Variants in PELP1 observed in about 807,000 individuals in gnomAD.
PELP1 encodes proline-, glutamic acid- and leucine-rich protein 1.
A neutral mutation model predicts 95.5 loss-of-function variants in PELP1; 32 were observed. The observed-to-expected ratio is 0.34, with a 90% CI of 0.25 to 0.45. The LOEUF (loss-of-function observed/expected upper bound fraction) is 0.45, where lower values mean the gene tolerates loss of function less well. PELP1 is among the 20% of genes least tolerant of loss of function. PELP1 has a pLI of 1.00. For synonymous variants in PELP1, 668 were observed against 600.1 expected (o/e 1.11, Z -1.65); for missense variants, 1,358 against 1,444.8 (o/e 0.94, Z 0.97).
chr17:4,687,562 T>C (rs376784101), intron 3 of PELP1, among the ~76,000 whole-genome samples: 1 of 151,756 alleles, frequency 6.6e-6, no homozygotes, highest in African/African-American at 2.4e-5. Context: ...TGATGGTCTA[T>C]GGGTGCCTGT....
chr17:4,678,485 A>G (rs1410520121), intron 5 of PELP1, among the ~76,000 whole-genome samples: 2 of 152,182 alleles, frequency 1.3e-5, no homozygotes, highest in Non-Finnish European at 2.9e-5. Context: ...AACGGCTCAA[A>G]AAGCTGGACT....
rs1912183588 is a variant in PELP1 at position 4,671,197 on chromosome 17, A to G, written c.*242T>C. 1 of 555,990 alleles carries G rather than the reference A, an allele frequency of 1.8e-6. No individual in the cohort carries two copies. The highest frequency in any genetic ancestry group is 3.2e-6 in the Non-Finnish European group (1 of 312,132). 34.4% of individuals were successfully genotyped at this position (555,990 alleles called of 1,614,324 possible). ...TTTAGCATCCAGCCAGAATCCTACA[A>G]TTCTGACACCATCGTGCTGAGTGAT... On this transcript the variant is annotated 3_prime_UTR_variant, in exon 17 of 17. Transcript: ENST00000572293.
In PELP1 at chr17:4,672,911, G is replaced by A; in HGVS notation, c.2080C>T (p.Pro694Ser). The A allele has an allele frequency of 6.2e-7, 1 of 1,612,900 alleles. No individual in the cohort carries two copies. The highest frequency in any genetic ancestry group is 1.1e-5 in the South Asian group (1 of 90,754). The stretch of plus-strand genomic sequence containing the variant: ...GGTCCAGGGCGTGCCGAGGGCACAG[G>A]GCCTGCTGAGGGCATGGGGCCTGCT... Reference protein sequence around the residue: ...PSAGPMPSAGPVPSARPGPPT... With the variant: ...PSAGPMPSAGSVPSARPGPPT... The change falls in exon 16 of 17, where the codon CCT becomes TCT. Residue 694 changes from proline to serine, a missense_variant. Coordinates refer to ENST00000572293, the MANE Select transcript of PELP1 (RefSeq NM_014389.3).
At chr17:4,677,362 G>T (rs1276780916) in intron 5 of PELP1, among the ~76,000 whole-genome samples, 3 of 152,102 alleles carry the variant, frequency 2.0e-5, no homozygotes, top group Non-Finnish European at 2.9e-5. Flanking sequence ...CCACAATTTA[G>T]TTGGATATAC....
intron 4 of PELP1, 56 bp downstream of exon 4, chr17:4,682,747 G>A: frequency 6.6e-7 from 1 of 1,505,874 alleles, no homozygotes; most frequent in Non-Finnish European, 9.0e-7. Flanking sequence ...ATTAAACAGT[G>A]TGTGAAGGTG....
intron 1 of PELP1, among the ~76,000 whole-genome samples, chr17:4,698,151 C>T (rs1162967357): frequency 6.6e-6 from 1 of 151,914 alleles, no homozygotes; most frequent in Non-Finnish European, 1.5e-5. Flanking sequence ...TGAGCCACTG[C>T]ACCTGGACGA....
chr17:4,680,173 G>C (rs1912637112), intron 5 of PELP1, among the ~76,000 whole-genome samples: 1 of 152,192 alleles, frequency 6.6e-6, no homozygotes, highest in South Asian at 2.1e-4. Context: ...ACACATCTTA[G>C]ACACTCAGGA....
chr17:4,698,186 C>A (rs1048464459), intron 1 of PELP1, among the ~76,000 whole-genome samples: 1 of 151,952 alleles, frequency 6.6e-6, no homozygotes, highest in Non-Finnish European at 1.5e-5. Context: ...TTGCTGAAAA[C>A]GCACAAATCT....
chr17:4,703,672 C>T (rs1246759875), intron 1 of PELP1, among the ~76,000 whole-genome samples, 191 bp downstream of exon 1: 1 of 152,190 alleles, frequency 6.6e-6, no homozygotes, highest in Non-Finnish European at 1.5e-5. Flanking sequence ...CCATTTTTCC[C>T]CTGGAGAAAC....
At chr17:4,694,189 T>C (rs144276000) in intron 1 of PELP1, among the ~76,000 whole-genome samples, 27 of 152,244 alleles carry the variant, frequency 1.8e-4, no homozygotes, top group Non-Finnish European at 3.8e-4. Flanking sequence ...AGTAGATTAC[T>C]GTTTGCCTAA....
chr17:4,694,589 G>A (rs1333372359), intron 1 of PELP1, among the ~76,000 whole-genome samples: 2 of 149,758 alleles, frequency 1.3e-5, no homozygotes, highest in East Asian at 2.0e-4. Flanking sequence ...GAGAACGGGA[G>A]GCGGAGGTCG....
In PELP1 at chr17:4,673,079, G is replaced by A. The variant is rs1211653531; in HGVS notation, c.1912C>T (p.Leu638=). 2 of 1,525,470 alleles carry A rather than the reference G, an allele frequency of 1.3e-6. No homozygotes were observed. Among genetic ancestry groups the A allele is most frequent in the Non-Finnish European group, 1.8e-6 (2 of 1,139,348 alleles). 94.5% of individuals were successfully genotyped at this position (1,525,470 alleles called of 1,614,324 possible). ...GGGCAGGTGGGGCCCATGGGCTGCA[G>A]GGGAGGAACCCGGGGGTGGGTCAGA... ...AALTHPRVPP[L]QPMGPTCPTP... is the part of the protein sequence containing the mutation. Residue 638 remains leucine, a synonymous_variant, in exon 16 of 17, where the codon CTG becomes TTG. Transcript: ENST00000572293. This position sits in a 1 kb window ranked among gnomAD's most constrained non-coding sequence, Gnocchi z 5.7.
intron 1 of PELP1, among the ~76,000 whole-genome samples, chr17:4,695,443 T>C (rs746468374): frequency 2.6e-5 from 4 of 151,772 alleles, no homozygotes; most frequent in Non-Finnish European, 5.9e-5. Context: ...GGCAGGCGAA[T>C]CACTTGAGGC....
chr17:4,694,252 G>C (rs1448561472), intron 1 of PELP1, among the ~76,000 whole-genome samples: 1 of 152,032 alleles, frequency 6.6e-6, no homozygotes, highest in East Asian at 1.9e-4. Flanking sequence ...ACTGTAAGTG[G>C]GTACAGAATT....
Position 4,672,947 on chromosome 17 carries a change from G to A in PELP1, c.2044C>T (p.Pro682Ser), listed in dbSNP as rs1438114624. 1.9e-6 allele frequency: 3 copies of A among 1,605,178 alleles called. No individual in the cohort carries two copies. The highest frequency in any genetic ancestry group is 2.6e-6 in the Non-Finnish European group (3 of 1,175,072). The change falls in exon 16 of 17, where the codon CCC becomes TCC. Residue 682 changes from proline (P) to serine (S), a missense_variant. Physicochemically the swap from Pro to Ser is moderately conservative, Grantham distance 74 (BLOSUM62 -1). Around this residue, in one of 7 missense-constraint regions of PELP1, gnomAD observed 340 missense variants for 322.9 expected, o/e 1.05. Transcript: ENST00000572293. ...GGCATGGGGCCTGCTGAAGGCATGGGGCCTGCTGAGGGCATGGAGCCCACT... is the reference window on the plus strand; with the variant it reads ...GGCATGGGGCCTGCTGAAGGCATGGAGCCTGCTGAGGGCATGGAGCCCACT... ...PSVGSMPSAG[P>S]MPSAGPMPSA... is the part of the protein sequence containing the mutation.
intron 3 of PELP1, among the ~76,000 whole-genome samples, chr17:4,683,531 C>CTTTTCT (rs1555553561): frequency 2.0e-4 from 19 of 96,574 alleles, no homozygotes; most frequent in Admixed American, 4.4e-4. Context: ...GTTTTCTTTT[C>CTTTTCT]TTTTTTTTTT....
intron 5 of PELP1, among the ~76,000 whole-genome samples, chr17:4,679,095 C>G (rs1048687209): frequency 1.3e-5 from 2 of 151,858 alleles, no homozygotes; most frequent in African/African-American, 4.8e-5. Context: ...GCCACGATCT[C>G]AGCTCACTGC....
chr17:4,703,363 T>C (rs894440261), intron 1 of PELP1, among the ~76,000 whole-genome samples: 3 of 152,330 alleles, frequency 2.0e-5, no homozygotes, highest in Admixed American at 2.0e-4. Flanking sequence ...GAAAAATCTC[T>C]GCCAGTCTTC....
intron 3 of PELP1, among the ~76,000 whole-genome samples, chr17:4,689,898 C>T (rs1001546962): frequency 6.6e-6 from 1 of 152,122 alleles, no homozygotes; most frequent in Non-Finnish European, 1.5e-5. Context: ...TGGTGGCGCA[C>T]GCTTGTAATC....
Sources: gnomAD v4.1 joint callset for allele counts (sites outside exome capture counted in the v4.1 genomes callset) on GRCh38, gnomAD v4.1.1 for gene constraint, gnomAD v4.1.1 regional missense constraint, Gnocchi (gnomAD v3.1) non-coding constraint, MANE v1.5 for transcripts, NCBI Gene and HGNC (gene_info 2026-07-23, HGNC 2026-07-21) for gene names.